The following ST3GAL3 variants were observed in gnomAD, a reference collection of about 807,000 sequenced individuals.
ST3GAL3 encodes the protein CMP-N-acetylneuraminate-beta-1,4-galactoside alpha-2,3-sialyltransferase.
ST3GAL3 carries 21 observed loss-of-function variants against 50.1 expected under a neutral mutation model. The observed-to-expected ratio is 0.42, with a 90% CI of 0.30 to 0.60. ST3GAL3 has a LOEUF of 0.60. Ranked by LOEUF, ST3GAL3 falls within the 20% of genes least tolerant of loss-of-function variation. The probability of loss-of-function intolerance (pLI) is 0.19; values close to 1 mark genes in which losing one functional copy is unlikely to be tolerated. For missense variants in ST3GAL3, 353 were observed against 489.4 expected, an observed-to-expected ratio of 0.72 and a Z score of 2.63; for synonymous variants, 183 against 190.0, an observed-to-expected ratio of 0.96 and a Z score of 0.30.
chr1:43,837,751 G>A (rs971663133), intron 4 of ST3GAL3, among the ~76,000 whole-genome samples: 5 of 152,176 alleles, frequency 3.3e-5, no homozygotes, highest in South Asian at 2.1e-4. Context: ...CGAGAGGATC[G>A]CTTGAACTCA....
At chr1:43,749,247 G>GA (rs1384899739) in intron 2 of ST3GAL3, among the ~76,000 whole-genome samples, 2 of 152,138 alleles carry the variant, frequency 1.3e-5, no homozygotes, top group African/African-American at 2.4e-5. Flanking sequence ...TAGAAAAGGA[G>GA]AAAATCTTCA....
intron 5 of ST3GAL3, chr1:43,839,474 C>G (rs2064990777): frequency 6.6e-6 from 1 of 152,102 alleles, no homozygotes; most frequent in Non-Finnish European, 1.5e-5. Flanking sequence ...GTTTCGTTTG[C>G]TTTTTCTAAT....
rs1423575296 is a variant in ST3GAL3, at chr1:43,851,427, T to C, written c.302+13116T>C. 5 of 1,611,850 alleles carry C rather than the reference T, an allele frequency of 3.1e-6. No homozygotes were observed. The South Asian group carries it at 4.4e-5, about 14-fold the overall frequency. On this transcript the variant is annotated intron_variant, in intron 5 of 11. Transcript: ENST00000347631. ...CCCCCAGCACTGTGGGTCCAGCTTA[T>C]AGGCCTGCAGGGCTCGCTTCTGACA...
intron 2 of ST3GAL3, among the ~76,000 whole-genome samples, chr1:43,790,274 G>A (rs991906773): frequency 1.3e-5 from 2 of 152,170 alleles, no homozygotes; most frequent in African/African-American, 4.8e-5. Flanking sequence ...CCTAGCAGTG[G>A]GAACAGATGT....
At position 43,736,292 on chromosome 1, in the gene ST3GAL3, G is replaced by T. The variant is rs1433905900; in HGVS notation, c.30G>T (p.Leu10=). MGLLVFVRN[L]LLALCLFLVL... ...GACTCTTGGTATTTGTGCGCAATCTGCTGCTAGCCCTCTGCCTCTTTCTGG... is the reference window on the plus strand; with the variant it reads ...GACTCTTGGTATTTGTGCGCAATCTTCTGCTAGCCCTCTGCCTCTTTCTGG... The change falls in exon 2 of 12, where the codon CTG becomes CTT. Residue 10 remains leucine, a synonymous_variant. Transcript: ENST00000347631. 1 of 1,614,046 alleles carries T rather than the reference G, an allele frequency of 6.2e-7. No individual in the cohort carries two copies. Among genetic ancestry groups the T allele is most frequent in the Non-Finnish European group, 8.5e-7 (1 of 1,180,026 alleles).
intron 4 of ST3GAL3, among the ~76,000 whole-genome samples, chr1:43,829,938 G>A (rs937164379): frequency 1.3e-5 from 2 of 149,208 alleles, no homozygotes; most frequent in African/African-American, 4.9e-5. Flanking sequence ...AGGACCCTTA[G>A]TGGTAGAGGA....
intron 9 of ST3GAL3, among the ~76,000 whole-genome samples, chr1:43,909,334 AG>A (rs2080381321): frequency 6.6e-6 from 1 of 152,140 alleles, no homozygotes; most frequent in East Asian, 1.9e-4. Flanking sequence ...TTGCCTCTCC[AG>A]GGCATCTCTT....
At chr1:43,795,401 G>A (rs1330133056) in intron 3 of ST3GAL3, among the ~76,000 whole-genome samples, 5 of 152,100 alleles carry the variant, frequency 3.3e-5, no homozygotes, top group Admixed American at 2.0e-4. Flanking sequence ...CAGTTTTCCC[G>A]ACAACACCTA....
intron 1 of ST3GAL3, among the ~76,000 whole-genome samples, chr1:43,708,962 A>G (rs548012451): frequency 6.6e-6 from 1 of 152,358 alleles, no homozygotes. Flanking sequence ...TTGAGGGAAT[A>G]AAGCACACAC....
intron 5 of ST3GAL3, among the ~76,000 whole-genome samples, chr1:43,843,099 C>G (rs2065679316): frequency 6.6e-6 from 1 of 152,232 alleles, no homozygotes; most frequent in Admixed American, 6.5e-5. Flanking sequence ...ACTGCATTGG[C>G]TAGACTGTTC....
chr1:43,889,994 T>C (rs1001127313), intron 5 of ST3GAL3, among the ~76,000 whole-genome samples: 1 of 152,238 alleles, frequency 6.6e-6, no homozygotes, highest in Non-Finnish European at 1.5e-5. Flanking sequence ...CACATGCCTG[T>C]AGTCCTAGCT....
At chr1:43,903,434 TG>T (rs1197594042) in intron 9 of ST3GAL3, among the ~76,000 whole-genome samples, 1 of 152,202 alleles carries the variant, frequency 6.6e-6, no homozygotes, top group African/African-American at 2.4e-5. Flanking sequence ...CAACCCCGTT[TG>T]CTGCCTCCTC....
At chr1:43,864,135 C>T (rs1261273616) in intron 5 of ST3GAL3, among the ~76,000 whole-genome samples, 3 of 152,142 alleles carry the variant, frequency 2.0e-5, no homozygotes, top group Non-Finnish European at 4.4e-5. Flanking sequence ...AGAAATCAGC[C>T]GGGCATGGTG....
intron 2 of ST3GAL3, among the ~76,000 whole-genome samples, chr1:43,750,703 A>G (rs1427526167): frequency 6.6e-6 from 1 of 151,976 alleles, no homozygotes; most frequent in Non-Finnish European, 1.5e-5. Context: ...CAGCCTAGGC[A>G]ATATTGGAAG....
chr1:43,846,776 G>A (rs1294588162), intron 5 of ST3GAL3, among the ~76,000 whole-genome samples: 2 of 152,164 alleles, frequency 1.3e-5, no homozygotes, highest in Non-Finnish European at 2.9e-5. Flanking sequence ...TGGGATTACA[G>A]GCATGAGCCA....
chr1:43,801,265 C>T, intron 3 of ST3GAL3: 1 of 456,234 alleles, frequency 2.2e-6, no homozygotes. Context: ...ATTTAATAAG[C>T]ATCTTCTTTG....
At position 43,899,408 on chromosome 1, in the gene ST3GAL3, C is replaced by A. The variant is rs2077897979; in HGVS notation, c.558-133C>A. On this transcript the variant is annotated intron_variant, in intron 8 of 11. Transcript: ENST00000347631. The surrounding 1 kb of genome is among the most constrained non-coding windows in gnomAD (Gnocchi z 5.4). ...CTGGGTTGGAGGGCTTTGGAACAGA[C>A]AACTAGCGGGGGCACCTGGGGAGAA... 1.9e-6 allele frequency: 3 copies of A among 1,577,100 alleles called. No individual in the cohort carries two copies. The highest frequency in any genetic ancestry group is 8.6e-7 in the Non-Finnish European group (1 of 1,160,414).
chr1:43,829,496 C>T (rs2063248792), intron 4 of ST3GAL3, among the ~76,000 whole-genome samples: 1 of 152,144 alleles, frequency 6.6e-6, no homozygotes. Flanking sequence ...CATTCATCTG[C>T]ATAAAAATCC....
chr1:43,919,496 AG>A (rs1357700076), intron 9 of ST3GAL3: 2 of 152,274 alleles, frequency 1.3e-5, no homozygotes, highest in Non-Finnish European at 2.9e-5. Flanking sequence ...CCAGCTGTAA[AG>A]GTAGAAAAAG....
Sources: allele counts gnomAD v4.1 joint callset (sites outside exome capture counted in the v4.1 genomes callset), GRCh38; gene constraint gnomAD v4.1.1; non-coding constraint Gnocchi (gnomAD v3.1); transcripts MANE v1.5; gene names NCBI Gene and HGNC (gene_info 2026-07-23, HGNC 2026-07-21).